Variants in MTURN observed in about 807,000 individuals in gnomAD.
MTURN encodes the protein maturin, neural progenitor differentiation regulator homolog.
A neutral mutation model predicts 14.9 loss-of-function variants in MTURN; 7 were observed. The ratio of observed to expected loss-of-function variants is 0.47; its 90% CI spans 0.27 to 0.88. MTURN has a LOEUF of 0.88. MTURN is among the 40% of genes least tolerant of loss of function. The probability of loss-of-function intolerance (pLI) is 0.14; values close to 1 mark genes in which losing one functional copy is unlikely to be tolerated. For synonymous variants in MTURN, 69 were observed against 72.5 expected, an observed-to-expected ratio of 0.95 and a Z score of 0.25; for missense variants, 151 against 174.1, an observed-to-expected ratio of 0.87 and a Z score of 0.75.
chr7:30,148,039 G>C (rs549868564), intron 2 of MTURN, among the ~76,000 whole-genome samples: 4 of 152,186 alleles, frequency 2.6e-5, no homozygotes, highest in African/African-American at 4.8e-5. Flanking sequence ...GTGCTCCAGT[G>C]GGGGGAGACA....
chr7:30,157,384 G>A, intron 2 of MTURN, 54 bp from the exon 3 acceptor site: 1 of 1,471,416 alleles, frequency 6.8e-7, no homozygotes. Context: ...TTGTCTTCCT[G>A]CCTGTGGGCC....
intron 2 of MTURN, 128 bp downstream of exon 2, chr7:30,146,427 G>A: frequency 7.4e-7 from 1 of 1,349,916 alleles, no homozygotes; most frequent in Non-Finnish European, 1.0e-6. Context: ...CTGTCCTGTG[G>A]CTTAGAGATA....
At chr7:30,152,170 T>C (rs73079741) in intron 2 of MTURN, among the ~76,000 whole-genome samples, 21,953 of 151,742 alleles carry the variant, frequency 0.14, 1,861 homozygotes, top group African/African-American at 0.23. Flanking sequence ...TTTTTTCTCA[T>C]TCATGTTATG....
intron 2 of MTURN, among the ~76,000 whole-genome samples, chr7:30,151,011 T>C (rs1223111316): frequency 1.3e-5 from 2 of 152,216 alleles, no homozygotes; most frequent in Non-Finnish European, 2.9e-5. Context: ...CTGCTAAATT[T>C]AGTCTCAGTT....
chr7:30,149,890 C>G (rs1417997207), intron 2 of MTURN, among the ~76,000 whole-genome samples: 1 of 152,210 alleles, frequency 6.6e-6, no homozygotes, highest in Non-Finnish European at 1.5e-5. Context: ...GCTCTGCCTA[C>G]TGCACTCTAC....
chr7:30,146,347 T>G (rs748287163), intron 2 of MTURN, 48 bp downstream of exon 2: 4 of 1,609,188 alleles, frequency 2.5e-6, no homozygotes, highest in Non-Finnish European at 3.4e-6. Context: ...CTATGGTGAT[T>G]GTGTTTAGAA....
At chr7:30,150,162 G>A (rs1476352844) in intron 2 of MTURN, among the ~76,000 whole-genome samples, 1 of 152,150 alleles carries the variant, frequency 6.6e-6, no homozygotes, top group Non-Finnish European at 1.5e-5. Flanking sequence ...GAAGATTAAT[G>A]GAGTTTTTGT....
chr7:30,148,829 G>A (rs1479223339), intron 2 of MTURN, among the ~76,000 whole-genome samples: 1 of 152,206 alleles, frequency 6.6e-6, no homozygotes, highest in Non-Finnish European at 1.5e-5. Context: ...GGACATGTCA[G>A]TGTTTTAAAT....
At chr7:30,157,080 T>C (rs1418784293) in intron 2 of MTURN, among the ~76,000 whole-genome samples, 1 of 152,088 alleles carries the variant, frequency 6.6e-6, no homozygotes, top group African/African-American at 2.4e-5. Context: ...ACAGAATCAG[T>C]TTTTGACATC....
chr7:30,139,163 ATAAAT>A (rs1327633442), intron 1 of MTURN, among the ~76,000 whole-genome samples: 1 of 152,252 alleles, frequency 6.6e-6, no homozygotes, highest in East Asian at 1.9e-4. Context: ...ATAAGGATGA[ATAAAT>A]TATAGTCTAG....
At chr7:30,149,661 A>C (rs1173151187) in intron 2 of MTURN, among the ~76,000 whole-genome samples, 1 of 152,182 alleles carries the variant, frequency 6.6e-6, no homozygotes, top group African/African-American at 2.4e-5. Context: ...GAGGTTTGTT[A>C]CAGATAAGAC....
At chr7:30,155,845 CCATTTCAGCCGTGGA>C (rs1797278957) in intron 2 of MTURN, among the ~76,000 whole-genome samples, 1 of 152,198 alleles carries the variant, frequency 6.6e-6, no homozygotes, top group Non-Finnish European at 1.5e-5. Context: ...TTCTCTTTCC[CCATTTCAGCCGTGGA>C]GGGAGTGAGA....
intron 1 of MTURN, among the ~76,000 whole-genome samples, chr7:30,144,270 G>T (rs866636444): frequency 4.6e-5 from 7 of 152,258 alleles, no homozygotes; most frequent in African/African-American, 1.4e-4. Flanking sequence ...TGTGGTGGTA[G>T]ATGTTAATCC....
At chr7:30,143,429 G>T (rs1797084300) in intron 1 of MTURN, among the ~76,000 whole-genome samples, 1 of 150,718 alleles carries the variant, frequency 6.6e-6, no homozygotes, top group Non-Finnish European at 1.5e-5. Flanking sequence ...TACCTTGCCG[G>T]CTGCCTTGAT....
chr7:30,151,463 A>G (rs1797211147), intron 2 of MTURN, among the ~76,000 whole-genome samples: 1 of 152,156 alleles, frequency 6.6e-6, no homozygotes, highest in African/African-American at 2.4e-5. Flanking sequence ...TTTCCCCACC[A>G]TCTTTTCATG....
chr7:30,156,942 G>C (rs1216142602), intron 2 of MTURN, among the ~76,000 whole-genome samples: 1 of 152,064 alleles, frequency 6.6e-6, no homozygotes, highest in African/African-American at 2.4e-5. Context: ...GGATATATAA[G>C]ATTCCATTTC....
chr7:30,149,150 A>G (rs1431016553), intron 2 of MTURN, among the ~76,000 whole-genome samples: 1 of 152,196 alleles, frequency 6.6e-6, no homozygotes, highest in East Asian at 1.9e-4. Context: ...ACGTTAAATG[A>G]GGAAACAAAT....
intron 1 of MTURN, among the ~76,000 whole-genome samples, chr7:30,136,027 C>G (rs1244828832): frequency 0.095 from 4 of 42 alleles, no homozygotes; most frequent in Non-Finnish European, 0.17. Context: ...CACGCGCACA[C>G]GCGGCACGCC....
chr7:30,148,324 G>C (rs1220522580), intron 2 of MTURN, among the ~76,000 whole-genome samples: 1 of 152,246 alleles, frequency 6.6e-6, no homozygotes, highest in Non-Finnish European at 1.5e-5. Context: ...CCAGGGAGCA[G>C]GAGCGGCCAG....
Sources: allele counts gnomAD v4.1 joint callset (sites outside exome capture counted in the v4.1 genomes callset), GRCh38; gene constraint gnomAD v4.1.1; transcripts MANE v1.5; gene names NCBI Gene and HGNC (gene_info 2026-07-23, HGNC 2026-07-21).